The following GFRAL variants were observed in gnomAD, a reference collection of about 807,000 sequenced individuals.
GFRAL encodes GDNF family receptor alpha-like.
Under a neutral mutation model 45.4 loss-of-function variants are expected in GFRAL, and 36 were observed. The observed-to-expected ratio is 0.79, with a 90% CI of 0.61 to 1.05. The LOEUF (loss-of-function observed/expected upper bound fraction) is 1.05, where lower values mean the gene tolerates loss of function less well. Ranked by LOEUF, GFRAL falls within the 50% of genes least tolerant of loss-of-function variation. The probability of loss-of-function intolerance (pLI) is 0.00; values close to 1 mark genes in which losing one functional copy is unlikely to be tolerated. For missense variants in GFRAL, 507 were observed against 467.5 expected, an observed-to-expected ratio of 1.08 and a Z score of -0.78; for synonymous variants, 166 against 154.1, an observed-to-expected ratio of 1.08 and a Z score of -0.57.
intron 6 of GFRAL, among the ~76,000 whole-genome samples, chr6:55,393,208 A>C (rs965530667): frequency 6.6e-6 from 1 of 152,212 alleles, no homozygotes; most frequent in Non-Finnish European, 1.5e-5. Context: ...ATTCTAAAAT[A>C]TATCCCCTGG....
intron 6 of GFRAL, among the ~76,000 whole-genome samples, chr6:55,370,403 C>G (rs968168575): frequency 1.3e-5 from 2 of 151,474 alleles, no homozygotes; most frequent in African/African-American, 2.4e-5. Flanking sequence ...TTTTTTTGCC[C>G]CTTTAGTATC....
chr6:55,352,381 CAA>C (rs1479456660), intron 5 of GFRAL, among the ~76,000 whole-genome samples: 3 of 152,122 alleles, frequency 2.0e-5, no homozygotes, highest in Admixed American at 1.3e-4. Flanking sequence ...GTGACAAAAA[CAA>C]AGATTCTTCT....
At chr6:55,355,373 C>T (rs188832793) in intron 5 of GFRAL, among the ~76,000 whole-genome samples, 1 of 152,038 alleles carries the variant, frequency 6.6e-6, no homozygotes. Flanking sequence ...AGAAAATTCT[C>T]AAATGTTTGA....
intron 6 of GFRAL, among the ~76,000 whole-genome samples, chr6:55,397,025 T>G (rs1235368576): frequency 1.3e-5 from 2 of 152,002 alleles, no homozygotes; most frequent in East Asian, 3.9e-4. Flanking sequence ...ACTACAGGTG[T>G]GCACCACCAT....
intron 6 of GFRAL, among the ~76,000 whole-genome samples, chr6:55,385,591 CAT>C (rs1409187132): frequency 6.6e-6 from 1 of 152,042 alleles, no homozygotes; most frequent in Non-Finnish European, 1.5e-5. Context: ...AGAATTTAAA[CAT>C]AGCTGTTTTT....
intron 6 of GFRAL, among the ~76,000 whole-genome samples, chr6:55,371,870 C>T (rs871022): frequency 0.13 from 20,168 of 152,114 alleles, 2,048 homozygotes; most frequent in East Asian, 0.36. Context: ...ATAAACCCAA[C>T]TTATTCATTA....
intron 3 of GFRAL, among the ~76,000 whole-genome samples, chr6:55,345,970 G>T (rs920458690): frequency 6.6e-6 from 1 of 152,190 alleles, no homozygotes; most frequent in Middle Eastern, 3.2e-3. Flanking sequence ...TCAGAGAAAT[G>T]CAAATCAAAA....
At chr6:55,372,134 C>A (rs1433167512) in intron 6 of GFRAL, among the ~76,000 whole-genome samples, 1 of 152,146 alleles carries the variant, frequency 6.6e-6, no homozygotes, top group African/African-American at 2.4e-5. Context: ...TTGATATACT[C>A]CCCTCACACC....
At chr6:55,332,809 C>T (rs1378024820) in intron 2 of GFRAL, among the ~76,000 whole-genome samples, 1 of 151,972 alleles carries the variant, frequency 6.6e-6, no homozygotes, top group African/African-American at 2.4e-5. Context: ...AGTAAGACTC[C>T]TTTCATTAAA....
At chr6:55,368,246 C>T (rs1189757609) in intron 6 of GFRAL, among the ~76,000 whole-genome samples, 1 of 151,868 alleles carries the variant, frequency 6.6e-6, no homozygotes, top group Non-Finnish European at 1.5e-5. Context: ...GCTCCTGAGG[C>T]TTCTGCATTC....
chr6:55,353,452 C>T (rs2127355865), intron 5 of GFRAL, among the ~76,000 whole-genome samples: 1 of 152,110 alleles, frequency 6.6e-6, no homozygotes, highest in African/African-American at 2.4e-5. Context: ...TAAGCAGAGT[C>T]CTAGAGCATT....
chr6:55,390,188 A>G (rs999278807), intron 6 of GFRAL, among the ~76,000 whole-genome samples: 6 of 152,216 alleles, frequency 3.9e-5, no homozygotes, highest in African/African-American at 1.2e-4. Context: ...GTCTATTGAC[A>G]GGTAAGTGAG....
At chr6:55,353,804 G>A (rs1366921790) in intron 5 of GFRAL, among the ~76,000 whole-genome samples, 2 of 151,908 alleles carry the variant, frequency 1.3e-5, no homozygotes, top group Non-Finnish European at 2.9e-5. Flanking sequence ...TATTGTTGTT[G>A]TACATAAAAT....
chr6:55,389,622 AG>A (rs1159223548), intron 6 of GFRAL, among the ~76,000 whole-genome samples: 1 of 152,200 alleles, frequency 6.6e-6, no homozygotes. Flanking sequence ...GTCAGAAAAA[AG>A]AAGGAAAAAC....
chr6:55,351,629 T>C (rs775223804), intron 5 of GFRAL, 46 bp downstream of exon 5: 1 of 1,387,818 alleles, frequency 7.2e-7, no homozygotes, highest in East Asian at 2.3e-5. Flanking sequence ...CGGCACCTTA[T>C]TTGTTATAGT....
At chr6:55,347,423 G>T (rs115222037) in intron 3 of GFRAL, among the ~76,000 whole-genome samples, 1,988 of 152,188 alleles carry the variant, frequency 0.013, 23 homozygotes, top group Non-Finnish European at 0.022. Flanking sequence ...AGATGGTTTT[G>T]TCCCAAAAGA....
In GFRAL at chr6:55,401,926, T is replaced by C; in HGVS notation, c.*73T>C. 1.3e-6 allele frequency: 1 copy of C among 793,230 alleles called. No individual in the cohort carries two copies. The highest frequency in any genetic ancestry group is 2.2e-6 in the Non-Finnish European group (1 of 460,626). The allele number at this position is 793,230 out of a possible 1,614,324, so 49.1% of individuals were successfully genotyped here. A position where few individuals can be genotyped will look rare whatever the true frequency, so the allele number is the denominator to read the frequency against. On this transcript the variant is annotated 3_prime_UTR_variant, in exon 9 of 9. Transcript: ENST00000340465. Reference sequence around the variant, plus strand: ...TCTTCTTTCCTCTTTTCTTCTCTCCTCTCCTCTCCTCTCTTCTCCTCTCCT... The same window carrying C: ...TCTTCTTTCCTCTTTTCTTCTCTCCCCTCCTCTCCTCTCTTCTCCTCTCCT...
intron 6 of GFRAL, among the ~76,000 whole-genome samples, chr6:55,383,214 G>A (rs1485493126): frequency 6.6e-6 from 1 of 151,962 alleles, no homozygotes; most frequent in African/African-American, 2.4e-5. Flanking sequence ...AGGTGAGGCT[G>A]ATGCTGTTGG....
At chr6:55,375,600 A>C (rs1393884565) in intron 6 of GFRAL, among the ~76,000 whole-genome samples, 1 of 151,934 alleles carries the variant, frequency 6.6e-6, no homozygotes, top group Non-Finnish European at 1.5e-5. Flanking sequence ...ATTTGAATAC[A>C]CTTTATTTCC....
Sources: gnomAD v4.1 joint callset for allele counts (sites outside exome capture counted in the v4.1 genomes callset) on GRCh38, gnomAD v4.1.1 for gene constraint, MANE v1.5 for transcripts, NCBI Gene and HGNC (gene_info 2026-07-23, HGNC 2026-07-21) for gene names.